Variants in CEMIP2 observed in about 807,000 individuals in gnomAD.
The protein encoded by CEMIP2 is cell migration inducing hyaluronidase 2.
In CEMIP2, 79 loss-of-function variants were observed where a neutral mutation model predicts 146.9. That is an observed-to-expected ratio of 0.54 (90% CI 0.45 to 0.65). CEMIP2 has a LOEUF of 0.65. CEMIP2 is among the 30% of genes least tolerant of loss of function. CEMIP2 has a pLI of 0.00. For synonymous variants in CEMIP2, 601 were observed against 606.3 expected, an observed-to-expected ratio of 0.99 and a Z score of 0.13; for missense variants, 1,596 against 1,696.2, an observed-to-expected ratio of 0.94 and a Z score of 1.04.
rs747852858 is a variant in CEMIP2, at chr9:71,722,418, C to T, written c.2267+9G>A. ...TAGCTTGAGTGTGACTTAAAAGAGC[C>T]AGCTTTACCTTGCACTATTGTCCAA... On this transcript the variant is annotated intron_variant, in intron 12 of 23. Transcript: ENST00000377044. The T allele has an allele frequency of 9.3e-6, 15 of 1,604,432 alleles. No homozygotes were observed. Among genetic ancestry groups the T allele is most frequent in the East Asian group, 2.2e-5 (1 of 44,650 alleles).
intron 4 of CEMIP2, among the ~76,000 whole-genome samples, chr9:71,743,350 A>G (rs1823978333): frequency 1.3e-5 from 2 of 152,158 alleles, no homozygotes; most frequent in African/African-American, 2.4e-5. Flanking sequence ...GTGGCTACAC[A>G]GGCATCACAT....
intron 5 of CEMIP2, among the ~76,000 whole-genome samples, chr9:71,739,361 C>CAAAAA (rs71353516): frequency 6.3e-4 from 27 of 42,832 alleles, no homozygotes; most frequent in African/African-American, 2.3e-3. Flanking sequence ...GACTCTGTCT[C>CAAAAA]AAAAAAAAAA....
At chr9:71,692,914 C>G (rs1822274817) in intron 21 of CEMIP2, among the ~76,000 whole-genome samples, 1 of 73,420 alleles carries the variant, frequency 1.4e-5, no homozygotes, top group Admixed American at 1.5e-4. Flanking sequence ...AACAAACAAA[C>G]AAACAAACGA....
intron 1 of CEMIP2, among the ~76,000 whole-genome samples, chr9:71,760,745 A>T (rs1824609635): frequency 1.3e-5 from 2 of 152,354 alleles, no homozygotes; most frequent in South Asian, 2.1e-4. Context: ...AAATAAAAAT[A>T]AAAAGAGAGC....
At chr9:71,706,102 G>A (rs1372208245) in intron 17 of CEMIP2, among the ~76,000 whole-genome samples, 1 of 151,866 alleles carries the variant, frequency 6.6e-6, no homozygotes, top group Non-Finnish European at 1.5e-5. Flanking sequence ...GGTGGCGGGT[G>A]CCTGTAATCC....
intron 5 of CEMIP2, among the ~76,000 whole-genome samples, chr9:71,736,844 G>A (rs986958465): frequency 1.8e-4 from 27 of 152,070 alleles, no homozygotes; most frequent in Non-Finnish European, 4.0e-4. Context: ...CTTCTCTGTC[G>A]TCTAATTAAC....
chr9:71,763,642 A>C (rs1019366771), intron 1 of CEMIP2, among the ~76,000 whole-genome samples: 1 of 152,264 alleles, frequency 6.6e-6, no homozygotes, highest in Non-Finnish European at 1.5e-5. Context: ...CCTTGATACA[A>C]CAAATGTAAA....
At position 71,745,110 on chromosome 9, in the gene CEMIP2, G is replaced by A. The variant is rs765124117; in HGVS notation, c.942C>T (p.Val314=). ...QDPGRIVAIA[V]GDSAAKSLLQ... is the part of the protein sequence containing the mutation. Reference sequence around the variant, plus strand: ...AGAGACTTTTAGCGGCTGAATCCCCGACAGCTATGGCAACAATCCGACCTG... The same window carrying A: ...AGAGACTTTTAGCGGCTGAATCCCCAACAGCTATGGCAACAATCCGACCTG... Residue 314 remains valine, a synonymous_variant, in exon 4 of 24, where the codon GTC becomes GTT. Coordinates refer to ENST00000377044, the MANE Select transcript of CEMIP2 (RefSeq NM_013390.3). 2.5e-6 allele frequency: 4 copies of A among 1,613,878 alleles called. No individual in the cohort carries two copies. The highest frequency in any genetic ancestry group is 1.3e-5 in the African/African-American group (1 of 74,854).
intron 10 of CEMIP2, among the ~76,000 whole-genome samples, chr9:71,726,647 G>C (rs975441778): frequency 1.1e-4 from 16 of 152,180 alleles, no homozygotes; most frequent in Admixed American, 2.6e-4. Flanking sequence ...AGTCCATTGG[G>C]AGGAGAGATG....
At chr9:71,725,245 A>C (rs1823349394) in intron 11 of CEMIP2, among the ~76,000 whole-genome samples, 1 of 152,142 alleles carries the variant, frequency 6.6e-6, no homozygotes, top group Non-Finnish European at 1.5e-5. Flanking sequence ...AGCCTAATGG[A>C]AGGTGTTTAG....
intron 20 of CEMIP2, among the ~76,000 whole-genome samples, chr9:71,696,007 C>T (rs1044639298): frequency 6.6e-6 from 1 of 152,010 alleles, no homozygotes; most frequent in Non-Finnish European, 1.5e-5. Context: ...ATGTTCCCAG[C>T]GACTTCAACT....
intron 18 of CEMIP2, among the ~76,000 whole-genome samples, chr9:71,702,328 A>G (rs770784898): frequency 2.0e-5 from 3 of 151,860 alleles, no homozygotes; most frequent in Non-Finnish European, 4.4e-5. Context: ...CCACTAAAGA[A>G]TAACTAGAAA....
intron 15 of CEMIP2, among the ~76,000 whole-genome samples, chr9:71,714,366 G>GTGATGA (rs6151029): frequency 2.0e-5 from 3 of 151,786 alleles, no homozygotes; most frequent in South Asian, 2.1e-4. Flanking sequence ...TAATGACTCT[G>GTGATGA]TGATGATGAT....
At chr9:71,768,022 C>CCAT (rs1456008621) in intron 1 of CEMIP2, among the ~76,000 whole-genome samples, 1 of 152,164 alleles carries the variant, frequency 6.6e-6, no homozygotes, top group East Asian at 1.9e-4. Flanking sequence ...TTTGAAAGGT[C>CCAT]CATTGTTCCC....
chr9:71,751,269 T>G (rs1020558034), intron 1 of CEMIP2, among the ~76,000 whole-genome samples: 1 of 152,186 alleles, frequency 6.6e-6, no homozygotes, highest in African/African-American at 2.4e-5. Flanking sequence ...CAGCCCCTGG[T>G]AACCATCATA....
chr9:71,688,676 C>T (rs1359395612), intron 22 of CEMIP2, among the ~76,000 whole-genome samples: 1 of 152,146 alleles, frequency 6.6e-6, no homozygotes, highest in Admixed American at 6.5e-5. Flanking sequence ...GTGTGAGCCA[C>T]CGTGCCTGGC....
intron 2 of CEMIP2, among the ~76,000 whole-genome samples, chr9:71,747,977 C>G (rs889374436): frequency 6.6e-6 from 1 of 152,120 alleles, no homozygotes; most frequent in Non-Finnish European, 1.5e-5. Flanking sequence ...TTCTTCCCAT[C>G]AAAGAAACAA....
At chr9:71,738,210 A>G (rs72737985) in intron 5 of CEMIP2, among the ~76,000 whole-genome samples, 10,765 of 152,268 alleles carry the variant, frequency 0.071, 545 homozygotes, top group South Asian at 0.19. Context: ...GCAATTAAGA[A>G]ACATTCTTTT....
Position 71,707,823 on chromosome 9 carries a change from C to A in CEMIP2, c.2985+1436G>T, listed in dbSNP as rs543435082. ...ACAGCCCAATTCTATGTGGAAAATC[C>A]CTTGCTCTTCCTCTAATTCTCGTCT... On this transcript the variant is annotated intron_variant, in intron 17 of 23. Coordinates refer to ENST00000377044, the MANE Select transcript of CEMIP2 (RefSeq NM_013390.3). Among the ~76,000 whole-genome samples the A allele has an allele frequency of 4.6e-5, 7 of 152,306 alleles. No homozygotes were observed. The South Asian group carries it at 1.4e-3, about 32-fold the overall frequency.
Sources: allele counts gnomAD v4.1 joint callset (sites outside exome capture counted in the v4.1 genomes callset), GRCh38; gene constraint gnomAD v4.1.1; transcripts MANE v1.5; gene names NCBI Gene and HGNC (gene_info 2026-07-23, HGNC 2026-07-21).